Variants in PTPRC observed in about 807,000 individuals in gnomAD.
PTPRC encodes protein tyrosine phosphatase receptor type C.
A neutral mutation model predicts 155.9 loss-of-function variants in PTPRC; 44 were observed. The observed-to-expected ratio is 0.28, with a 90% CI of 0.22 to 0.36. The LOEUF (loss-of-function observed/expected upper bound fraction) is 0.36, where lower values mean the gene tolerates loss of function less well. Ranked by LOEUF, PTPRC falls within the 10% of genes least tolerant of loss-of-function variation. The probability of loss-of-function intolerance (pLI) is 1.00; values close to 1 mark genes in which losing one functional copy is unlikely to be tolerated. For synonymous variants in PTPRC, 525 were observed against 533.1 expected (o/e 0.98, Z 0.21); for missense variants, 1,401 against 1,564.6 (o/e 0.90, Z 1.76).
At chr1:198,681,694 T>A (rs1026552282) in intron 2 of PTPRC, among the ~76,000 whole-genome samples, 1 of 152,248 alleles carries the variant, frequency 6.6e-6, no homozygotes, top group Non-Finnish European at 1.5e-5. Context: ...ATGGTGACTT[T>A]TTATGTTTTT....
chr1:198,717,670 A>G (rs1162507386), intron 13 of PTPRC, among the ~76,000 whole-genome samples: 6 of 152,164 alleles, frequency 3.9e-5, no homozygotes, highest in Non-Finnish European at 8.8e-5. Context: ...CTGTTCCTGA[A>G]GAACCCATCT....
At chr1:198,675,422 A>C (rs1664896354) in intron 2 of PTPRC, among the ~76,000 whole-genome samples, 1 of 152,180 alleles carries the variant, frequency 6.6e-6, no homozygotes, top group Non-Finnish European at 1.5e-5. Flanking sequence ...AGCATATGCC[A>C]ATGATAATAT....
intron 5 of PTPRC, among the ~76,000 whole-genome samples, chr1:198,701,245 T>C (rs1380458641): frequency 6.6e-6 from 1 of 152,230 alleles, no homozygotes; most frequent in Non-Finnish European, 1.5e-5. Context: ...AGATGCATTT[T>C]CAATTCTAAT....
chr1:198,638,810 GTGGGGATTTAATT>G (rs2102158328), upstream of PTPRC: 1 of 156,956 alleles, frequency 6.4e-6, no homozygotes, highest in East Asian at 1.9e-4. Flanking sequence ...TGATTATTTT[GTGGGGATTTAATT>G]TAAAAAAAAT....
At position 198,741,796 on chromosome 1, in the gene PTPRC, CCCTT is replaced by C. The variant is rs1485979036; in HGVS notation, c.2404-70_2404-67del. ...CACGAGGAGACTTTGTACTGGTACT[CCCTT>C]CCACTTATTTATGTTTCATAGTTTG... On this transcript the variant is annotated intron_variant, in intron 23 of 32. Transcript: ENST00000442510. 7.6e-6 allele frequency: 11 copies of C among 1,445,310 alleles called. No individual in the cohort carries two copies. In the African/African-American group the frequency reaches 1.4e-4, roughly 19 times the overall value. The allele number at this position is 1,445,310 out of a possible 1,614,324, so 89.5% of individuals were successfully genotyped here.
chr1:198,638,742 A>C (rs1662390669), upstream of PTPRC: 1 of 154,374 alleles, frequency 6.5e-6, no homozygotes, highest in Non-Finnish European at 1.4e-5. Context: ...TCTTGCCAAC[A>C]CCCATTTTGT....
At chr1:198,702,056 A>G (rs1281015827) in intron 5 of PTPRC, among the ~76,000 whole-genome samples, 1 of 152,176 alleles carries the variant, frequency 6.6e-6, no homozygotes, top group Non-Finnish European at 1.5e-5. Context: ...ACCAGTCTCT[A>G]CTGCTTTGAT....
At chr1:198,675,457 AATTTT>A (rs1259145041) in intron 2 of PTPRC, among the ~76,000 whole-genome samples, 11 of 152,172 alleles carry the variant, frequency 7.2e-5, no homozygotes, top group Admixed American at 5.9e-4. Context: ...GAATCCATCT[AATTTT>A]AGCTTGATCT....
In PTPRC at chr1:198,714,892, AAGAG is replaced by A. The variant is rs576177694; in HGVS notation, c.1292-1787_1292-1784del. Among the ~76,000 whole-genome samples the A allele has an allele frequency of 2.6e-5, 4 of 152,122 alleles. No homozygotes were observed. The East Asian group carries it at 5.8e-4, about 22-fold the overall frequency. On this transcript the variant is annotated intron_variant, in intron 12 of 32. Coordinates refer to ENST00000442510, the MANE Select transcript of PTPRC (RefSeq NM_002838.5). ...AATTTAATTTTTTCAGTGTCTCTAA[AAGAG>A]AGGGATTAAAAGAGGAGAAAAAATG...
intron 2 of PTPRC, among the ~76,000 whole-genome samples, chr1:198,658,397 T>G (rs1663723975): frequency 6.6e-6 from 1 of 152,182 alleles, no homozygotes. Context: ...TGTTGCTTTC[T>G]TATACAAGGA....
intron 23 of PTPRC, among the ~76,000 whole-genome samples, chr1:198,739,385 T>G (rs1301180695): frequency 6.6e-6 from 1 of 151,666 alleles, no homozygotes; most frequent in African/African-American, 2.4e-5. Flanking sequence ...AGATGGAAAA[T>G]TATATTCTTT....
At position 198,715,996 on chromosome 1, in the gene PTPRC, T is replaced by G. The variant is rs188970125; in HGVS notation, c.1292-686T>G. On this transcript the variant is annotated intron_variant, in intron 12 of 32. Coordinates refer to ENST00000442510, the MANE Select transcript of PTPRC (RefSeq NM_002838.5). ...ACACACTTAGACACTGTCCTACCTCTCATATGCCTCCCCAGCCAGAGCTGT... is the reference window on the plus strand; with the variant it reads ...ACACACTTAGACACTGTCCTACCTCGCATATGCCTCCCCAGCCAGAGCTGT... Among the ~76,000 whole-genome samples, 23 of 152,304 alleles carry G rather than the reference T, an allele frequency of 1.5e-4. No homozygotes were observed. In the East Asian group the frequency reaches 3.9e-3, roughly 26 times the overall value.
intron 2 of PTPRC, among the ~76,000 whole-genome samples, chr1:198,647,302 T>C (rs1481054071): frequency 6.6e-6 from 1 of 151,880 alleles, no homozygotes; most frequent in Non-Finnish European, 1.5e-5. Context: ...TGAGCTCATG[T>C]AGGCTATCAC....
intron 32 of PTPRC, among the ~76,000 whole-genome samples, chr1:198,755,355 A>G (rs770156062): frequency 2.0e-4 from 31 of 152,098 alleles, no homozygotes; most frequent in Non-Finnish European, 2.9e-4. Flanking sequence ...GCTTTTAATC[A>G]TGTATGATAT....
chr1:198,742,255 C>G lies in PTPRC; in HGVS notation c.2585C>G (p.Thr862Ser), dbSNP rs779274312. Residue 862 changes from threonine (T) to serine (S), a missense_variant, in exon 25 of 33, where the codon ACC becomes AGC. By Grantham distance (58) the Thr-to-Ser change is moderately conservative. Around this residue, in one of 3 missense-constraint regions of PTPRC, gnomAD observed 134 missense variants for 204.7 expected, o/e 0.65. Transcript: ENST00000442510. The part of the protein sequence containing the change: ...HCSAGVGRTG[T>S]YIGIDAMLEG... ...AGTGCTGGTGTTGGGCGCACAGGAA[C>G]CTATATCGGAATTGATGCCATGCTA... is the stretch of plus-strand genomic sequence containing the variant. 2.5e-6 allele frequency: 4 copies of G among 1,612,052 alleles called. No homozygotes were observed. In the Admixed American group the frequency reaches 5.0e-5, roughly 20 times the overall value.
At chr1:198,651,985 G>T (rs1388373007) in intron 2 of PTPRC, among the ~76,000 whole-genome samples, 1 of 151,594 alleles carries the variant, frequency 6.6e-6, no homozygotes, top group Non-Finnish European at 1.5e-5. Context: ...TACAATCCTT[G>T]GTCACTAGTC....
At chr1:198,738,358 A>G (rs1654744091) in intron 23 of PTPRC, among the ~76,000 whole-genome samples, 1 of 151,772 alleles carries the variant, frequency 6.6e-6, no homozygotes, top group African/African-American at 2.4e-5. Context: ...TCTTATTATG[A>G]AGAGATGTTG....
At chr1:198,716,541 T>C in intron 12 of PTPRC, 141 bp from the exon 13 acceptor site, 1 of 687,808 alleles carries the variant, frequency 1.5e-6, no homozygotes, top group East Asian at 2.7e-5. Flanking sequence ...TACTTTTGAG[T>C]ATCAAGGATG....
chr1:198,732,048 A>G lies in PTPRC; in HGVS notation c.1975-252A>G, dbSNP rs559848145. On this transcript the variant is annotated intron_variant, in intron 18 of 32. Coordinates refer to ENST00000442510, the MANE Select transcript of PTPRC (RefSeq NM_002838.5). Reference sequence around the variant, plus strand: ...GTTTTTAAATGAATTTGATAGTGACACAACAACTAATCCTAAATTTGTCCC... The same window carrying G: ...GTTTTTAAATGAATTTGATAGTGACGCAACAACTAATCCTAAATTTGTCCC... Among the ~76,000 whole-genome samples, 277 of 152,112 alleles carry G rather than the reference A, an allele frequency of 1.8e-3. 2 individuals are homozygous for G. The highest frequency in any genetic ancestry group is 4.1e-3 in the South Asian group (20 of 4,828).
Sources: gnomAD v4.1 joint callset for allele counts (sites outside exome capture counted in the v4.1 genomes callset) on GRCh38, gnomAD v4.1.1 for gene constraint, gnomAD v4.1.1 regional missense constraint, MANE v1.5 for transcripts, NCBI Gene and HGNC (gene_info 2026-07-23, HGNC 2026-07-21) for gene names.